ULK2: variants seen among roughly 807,000 people sequenced by gnomAD.
ULK2 encodes serine/threonine-protein kinase ULK2.
In ULK2, 76 loss-of-function variants were observed where a neutral mutation model predicts 127.5. That is an observed-to-expected ratio of 0.60 (90% CI 0.50 to 0.72). The LOEUF is 0.72. Among genes scored for constraint, ULK2 ranks in the 30% least tolerant of loss-of-function variants. ULK2 has a pLI of 0.00. For missense variants in ULK2, 1,144 were observed against 1,295.9 expected (o/e 0.88, Z 1.80); for synonymous variants, 452 against 461.9 (o/e 0.98, Z 0.28).
At chr17:19,817,251 C>G (rs540243802) in intron 12 of ULK2, among the ~76,000 whole-genome samples, 2 of 152,230 alleles carry the variant, frequency 1.3e-5, no homozygotes, top group South Asian at 4.1e-4. Flanking sequence ...AGCTCATGGC[C>G]TAACAAAGCA....
chr17:19,820,251 G>C (rs2041105289), intron 12 of ULK2, among the ~76,000 whole-genome samples: 2 of 152,078 alleles, frequency 1.3e-5, no homozygotes, highest in Non-Finnish European at 1.5e-5. Flanking sequence ...GTTTCACCAT[G>C]TTGGCCAGGA....
intron 10 of ULK2, among the ~76,000 whole-genome samples, chr17:19,833,601 G>T (rs1365181365): frequency 1.3e-5 from 2 of 151,916 alleles, no homozygotes; most frequent in Non-Finnish European, 2.9e-5. Context: ...TCCCAGCTAT[G>T]CAGGAGGCTG....
chr17:19,829,787 C>A (rs772809883), intron 10 of ULK2, among the ~76,000 whole-genome samples: 1 of 142,620 alleles, frequency 7.0e-6, no homozygotes, highest in Non-Finnish European at 1.5e-5. Context: ...TGCAGTAAAC[C>A]GAGATCGCGC....
At position 19,783,860 on chromosome 17, in the gene ULK2, C is replaced by G. The variant is rs779602501; in HGVS notation, c.2297G>C (p.Arg766Pro). Reference sequence around the variant, plus strand: ...GCCAGGCGGGGACCCCACGCACACGCGGCCACTCATGGCACAAAGAGAGCC... The same window carrying G: ...GCCAGGCGGGGACCCCACGCACACGGGGCCACTCATGGCACAAAGAGAGCC... ...SGGSLCAMSG[R>P]VCVGSPPGPG... The change falls in exon 22 of 27, where the codon CGC becomes CCC. Residue 766 changes from arginine to proline, a missense_variant. Arg to Pro is a moderately radical substitution (Grantham distance 103, BLOSUM62 -2). This residue lies in a region of ULK2 where 913 missense variants were observed against 970.5 expected (regional missense o/e 0.94). Coordinates refer to ENST00000395544, the MANE Select transcript of ULK2 (RefSeq NM_014683.4). 2.5e-6 allele frequency: 4 copies of G among 1,580,428 alleles called. No homozygotes were observed. In the Admixed American group the frequency reaches 7.3e-5, roughly 29 times the overall value.
chr17:19,817,195 G>A (rs1432828227), intron 12 of ULK2, among the ~76,000 whole-genome samples: 1 of 152,120 alleles, frequency 6.6e-6, no homozygotes, highest in Non-Finnish European at 1.5e-5. Flanking sequence ...CTCTCCTGAA[G>A]TTTTTGAGAA....
Position 19,783,755 on chromosome 17 carries a change from C to T in ULK2, c.2402G>A (p.Ser801Asn), listed in dbSNP as rs201520076. The change falls in exon 22 of 27, where the codon AGC (serine) becomes AAC (asparagine). Residue 801 changes from serine to asparagine, a missense_variant. By Grantham distance (46) the Ser-to-Asn change is conservative (BLOSUM62 1). Coordinates refer to ENST00000395544, the MANE Select transcript of ULK2 (RefSeq NM_014683.4). ...TTCAAAGGTGATGAGCCCCTCTAGG[C>T]TGGGGGGTGAAGCACCGTAAGGCAC... ...RYVPYGASPP[S>N]LEGLITFEAP... 2 of 1,600,670 alleles carry T rather than the reference C, an allele frequency of 1.2e-6. No individual in the cohort carries two copies. The highest frequency in any genetic ancestry group is 1.7e-6 in the Non-Finnish European group (2 of 1,173,196).
chr17:19,866,826 C>A (rs555367217), intron 1 of ULK2, among the ~76,000 whole-genome samples: 1 of 152,126 alleles, frequency 6.6e-6, no homozygotes, highest in Non-Finnish European at 1.5e-5. Context: ...GAAAACGGTA[C>A]GGGGGCTCTT....
chr17:19,777,408 C>G (rs957732281), intron 26 of ULK2, among the ~76,000 whole-genome samples, 173 bp downstream of exon 26: 2 of 152,142 alleles, frequency 1.3e-5, no homozygotes, highest in Non-Finnish European at 2.9e-5. Flanking sequence ...CCTGGCCCTA[C>G]TCCTATTTTA....
intron 9 of ULK2, among the ~76,000 whole-genome samples, chr17:19,839,081 C>T (rs775548953): frequency 4.0e-4 from 60 of 151,610 alleles, no homozygotes; most frequent in Non-Finnish European, 7.4e-5. Flanking sequence ...TGAGAAACAG[C>T]ATCAAATTGA....
At chr17:19,807,213 G>A (rs920397217) in intron 14 of ULK2, among the ~76,000 whole-genome samples, 2 of 152,162 alleles carry the variant, frequency 1.3e-5, no homozygotes, top group African/African-American at 4.8e-5. Flanking sequence ...GGAGCCAAGT[G>A]GAGATAACCT....
intron 9 of ULK2, among the ~76,000 whole-genome samples, chr17:19,839,183 A>G (rs763657892): frequency 2.6e-5 from 4 of 152,186 alleles, no homozygotes; most frequent in Admixed American, 1.3e-4. Context: ...CATAGCTTCA[A>G]TCTTGCACTA....
intron 9 of ULK2, among the ~76,000 whole-genome samples, chr17:19,841,194 ACTTC>A (rs767217961): frequency 3.3e-5 from 5 of 152,194 alleles, no homozygotes; most frequent in Non-Finnish European, 5.9e-5. Flanking sequence ...GGGGGAATTC[ACTTC>A]CTACTTTATG....
intron 10 of ULK2, among the ~76,000 whole-genome samples, chr17:19,826,901 G>A (rs190130969): frequency 9.9e-5 from 15 of 151,572 alleles, no homozygotes; most frequent in Admixed American, 9.2e-4. Context: ...AGCTTGCAGT[G>A]AGCCGAGATC....
intron 3 of ULK2, among the ~76,000 whole-genome samples, chr17:19,863,508 T>C (rs1006602975): frequency 1.3e-5 from 2 of 151,242 alleles, no homozygotes; most frequent in African/African-American, 4.9e-5. Flanking sequence ...TTTTTTTTTT[T>C]TTTTTTTTAA....
chr17:19,800,362 T>C (rs1323948945), intron 16 of ULK2, among the ~76,000 whole-genome samples: 1 of 152,072 alleles, frequency 6.6e-6, no homozygotes, highest in Non-Finnish European at 1.5e-5. Context: ...ATGAGAAACA[T>C]GTCTATATCA....
rs555411566 is a variant in ULK2 at position 19,831,312 on chromosome 17, G to T, written c.788-5126C>A. Among the ~76,000 whole-genome samples, 7 of 151,924 alleles carry T rather than the reference G, an allele frequency of 4.6e-5. No homozygotes were observed. In the South Asian group the frequency reaches 1.5e-3, roughly 32 times the overall value. On this transcript the variant is annotated intron_variant, in intron 10 of 26. Transcript: ENST00000395544. ...TCCCCATTCACTCACCTCCCACCAA[G>T]CCCTTCCCCGTCTCATCTCATTCAA...
At position 19,867,875 on chromosome 17, in the gene ULK2, C is replaced by T. The variant is rs894946674; in HGVS notation, c.-458G>A. The T allele has an allele frequency of 6.6e-6, 1 of 150,930 alleles. No homozygotes were observed. The highest frequency in any genetic ancestry group is 1.5e-5 in the Non-Finnish European group (1 of 67,668). The allele number at this position is 150,930 out of a possible 1,614,324, so 9.3% of individuals were successfully genotyped here. On this transcript the variant is annotated 5_prime_UTR_variant, in exon 1 of 27. Transcript: ENST00000395544. Reference sequence around the variant, plus strand: ...TAGAACCCGCACCGCCGCGGCCCCGCGCTTCCCCGCCTCGCGGCGGCGCCC... The same window carrying T: ...TAGAACCCGCACCGCCGCGGCCCCGTGCTTCCCCGCCTCGCGGCGGCGCCC...
intron 3 of ULK2, among the ~76,000 whole-genome samples, chr17:19,860,135 G>GGTTATAGATTGATATATGTA (rs2307587): frequency 0.11 from 16,087 of 152,138 alleles, 1,578 homozygotes; most frequent in East Asian, 0.39. Context: ...AAGTATAAAT[G>GGTTATAGATTGATATATGTA]TTTAGAAAAT....
At chr17:19,860,375 T>C (rs1035753528) in intron 3 of ULK2, among the ~76,000 whole-genome samples, 1 of 152,154 alleles carries the variant, frequency 6.6e-6, no homozygotes, top group Non-Finnish European at 1.5e-5. Flanking sequence ...TCAGTAAAAA[T>C]GACATTCACT....
Sources: allele counts gnomAD v4.1 joint callset (sites outside exome capture counted in the v4.1 genomes callset), GRCh38; gene constraint gnomAD v4.1.1; regional missense constraint gnomAD v4.1.1; transcripts MANE v1.5; gene names NCBI Gene and HGNC (gene_info 2026-07-23, HGNC 2026-07-21).